The following PPP6C variants were observed in gnomAD, a reference collection of about 807,000 sequenced individuals.
PPP6C encodes protein phosphatase 6 catalytic subunit.
Under a neutral mutation model 39.8 loss-of-function variants are expected in PPP6C, and 11 were observed. That is an observed-to-expected ratio of 0.28 (90% confidence interval 0.17 to 0.46). The LOEUF is 0.46. Ranked by LOEUF, PPP6C falls within the 20% of genes least tolerant of loss-of-function variation. PPP6C has a pLI of 1.00. For synonymous variants in PPP6C, 129 were observed against 130.3 expected (o/e 0.99, Z 0.07); for missense variants, 211 against 373.9 (o/e 0.56, Z 3.59).
chr9:125,173,587 A>G (rs1343843135), intron 1 of PPP6C, among the ~76,000 whole-genome samples: 1 of 151,116 alleles, frequency 6.6e-6, no homozygotes, highest in Non-Finnish European at 1.5e-5. Flanking sequence ...CAAAACAAAC[A>G]AACAACAACA....
chr9:125,159,215 T>A (rs1828797244), intron 3 of PPP6C, among the ~76,000 whole-genome samples: 1 of 148,630 alleles, frequency 6.7e-6, no homozygotes, highest in East Asian at 2.0e-4. Flanking sequence ...ATTTTGTATT[T>A]TTTTTTTTTT....
chr9:125,175,381 G>A (rs1348532880), intron 1 of PPP6C, among the ~76,000 whole-genome samples: 2 of 152,006 alleles, frequency 1.3e-5, no homozygotes, highest in Non-Finnish European at 2.9e-5. Context: ...GCTCACGCCT[G>A]TAATCCCAGC....
intron 2 of PPP6C, among the ~76,000 whole-genome samples, chr9:125,162,960 C>T (rs1464264565): frequency 6.6e-6 from 1 of 150,798 alleles, no homozygotes; most frequent in African/African-American, 2.4e-5. Flanking sequence ...CACCTGTAGT[C>T]CCAGCTACCT....
rs1403034240 is a variant in PPP6C, at chr9:125,148,145, A to G, written c.*1528T>C. ...AAACCCTGATGAAAAATTATATGCC[A>G]AGAAGCTTAGACTATAAAGATTTTT... On this transcript the variant is annotated 3_prime_UTR_variant, in exon 7 of 7. Transcript: ENST00000373547. 5.4e-6 allele frequency: 1 copy of G among 184,972 alleles called. No homozygotes were observed. Among genetic ancestry groups the G allele is most frequent in the Non-Finnish European group, 1.1e-5 (1 of 88,028 alleles). The allele number at this position is 184,972 out of a possible 1,614,324, so 11.5% of individuals were successfully genotyped here. A position where few individuals can be genotyped will look rare whatever the true frequency, so the allele number is the denominator to read the frequency against.
rs555516226 is a variant in PPP6C at position 125,183,242 on chromosome 9, A to G, written c.75+6402T>C. Among the ~76,000 whole-genome samples, 91 of 152,240 alleles carry G rather than the reference A, an allele frequency of 6.0e-4. No individual in the cohort carries two copies. The Middle Eastern group carries it at 0.01, about 17-fold the overall frequency. On this transcript the variant is annotated intron_variant, in intron 1 of 6. Transcript: ENST00000373547. ...TCATATCACCGGGCCTACTGCTTCTATGACATTTTTCCTGCATTCCAATCC... is the reference window on the plus strand; with the variant it reads ...TCATATCACCGGGCCTACTGCTTCTGTGACATTTTTCCTGCATTCCAATCC...
At position 125,160,732 on chromosome 9, in the gene PPP6C, A is replaced by G; in HGVS notation, c.237+109T>C. The G allele has an allele frequency of 5.4e-6, 4 of 737,214 alleles. No individual in the cohort carries two copies. In the East Asian group the frequency reaches 1.2e-4, roughly 23 times the overall value. 45.7% of individuals were successfully genotyped at this position (737,214 alleles called of 1,614,324 possible). ...CGGACTAATACACATCTTTTAATAT[A>G]CTGAAATAGGGACTGTCACATGGTA... is the stretch of plus-strand genomic sequence containing the variant. On this transcript the variant is annotated intron_variant, in intron 3 of 6. Coordinates refer to ENST00000373547, the MANE Select transcript of PPP6C (RefSeq NM_002721.5).
intron 1 of PPP6C, among the ~76,000 whole-genome samples, chr9:125,188,096 T>A (rs575110505): frequency 1.3e-5 from 2 of 150,930 alleles, no homozygotes; most frequent in Non-Finnish European, 2.9e-5. Context: ...AAGAATACAC[T>A]GAGTCGGGGC....
At chr9:125,163,757 A>C (rs1229664088) in intron 2 of PPP6C, among the ~76,000 whole-genome samples, 1 of 152,104 alleles carries the variant, frequency 6.6e-6, no homozygotes, top group Non-Finnish European at 1.5e-5. Flanking sequence ...AAAAGCTTTT[A>C]AAGTTTGTAT....
At chr9:125,159,738 G>T (rs924011487) in intron 3 of PPP6C, among the ~76,000 whole-genome samples, 2 of 152,202 alleles carry the variant, frequency 1.3e-5, no homozygotes, top group Non-Finnish European at 2.9e-5. Flanking sequence ...AGTGGCCGGC[G>T]TGGTGGCTCA....
intron 6 of PPP6C, among the ~76,000 whole-genome samples, chr9:125,152,029 T>C (rs1412742243): frequency 2.0e-5 from 3 of 149,430 alleles, no homozygotes; most frequent in Non-Finnish European, 1.5e-5. Context: ...GCAAGAGCCC[T>C]GGGCAACCCC....
chr9:125,152,506 T>C (rs1472057259), intron 6 of PPP6C, among the ~76,000 whole-genome samples: 2 of 152,284 alleles, frequency 1.3e-5, no homozygotes, highest in East Asian at 1.9e-4. Context: ...GCTTTTCAAA[T>C]GAACAGAGAT....
chr9:125,188,862 C>T lies in PPP6C; in HGVS notation c.75+782G>A, dbSNP rs182113552. Reference sequence around the variant, plus strand: ...AGAAAAGCAGTATACCAAAGTCATTCCTTTACCCATACATACATTTACTCT... The same window carrying T: ...AGAAAAGCAGTATACCAAAGTCATTTCTTTACCCATACATACATTTACTCT... On this transcript the variant is annotated intron_variant, in intron 1 of 6. Coordinates refer to ENST00000373547, the MANE Select transcript of PPP6C (RefSeq NM_002721.5). 3.2e-6 allele frequency: 4 copies of T among 1,247,626 alleles called. No individual in the cohort carries two copies. In the African/African-American group the frequency reaches 4.5e-5, roughly 14 times the overall value. The allele number at this position is 1,247,626 out of a possible 1,614,324, so 77.3% of individuals were successfully genotyped here.
chr9:125,171,478 C>CATATATATATATAT (rs59002869), intron 1 of PPP6C, among the ~76,000 whole-genome samples: 8 of 83,508 alleles, frequency 9.6e-5, no homozygotes, highest in African/African-American at 1.6e-4. Flanking sequence ...CACACACACA[C>CATATATATATATAT]ATATATATAT....
intron 4 of PPP6C, among the ~76,000 whole-genome samples, chr9:125,157,804 C>T (rs1389300216): frequency 2.0e-5 from 3 of 151,540 alleles, no homozygotes; most frequent in Admixed American, 1.3e-4. Flanking sequence ...AATTCTCCTG[C>T]CTCAGCCTCC....
intron 4 of PPP6C, among the ~76,000 whole-genome samples, chr9:125,157,974 C>A (rs926580531): frequency 3.3e-5 from 5 of 152,022 alleles, no homozygotes; most frequent in Non-Finnish European, 7.4e-5. Flanking sequence ...CAGGTGTGAG[C>A]CACCCCACCC....
At chr9:125,168,908 G>T (rs1012641090) in intron 2 of PPP6C, among the ~76,000 whole-genome samples, 1 of 151,192 alleles carries the variant, frequency 6.6e-6, no homozygotes, top group African/African-American at 2.4e-5. Context: ...TTACAGGCAC[G>T]CACCACCACA....
intron 4 of PPP6C, among the ~76,000 whole-genome samples, chr9:125,155,084 T>C (rs1378128472): frequency 1.3e-5 from 2 of 152,164 alleles, no homozygotes; most frequent in Non-Finnish European, 2.9e-5. Context: ...ATTTTATTTC[T>C]GGTAGAGATG....
At chr9:125,166,320 T>C (rs1232616210) in intron 2 of PPP6C, among the ~76,000 whole-genome samples, 1 of 152,176 alleles carries the variant, frequency 6.6e-6, no homozygotes, top group Non-Finnish European at 1.5e-5. Context: ...AATTTTTCAT[T>C]AGTAAATTCA....
intron 1 of PPP6C, among the ~76,000 whole-genome samples, chr9:125,184,086 C>T (rs1367140849): frequency 6.6e-6 from 1 of 152,070 alleles, no homozygotes; most frequent in East Asian, 1.9e-4. Flanking sequence ...AGACGCTATC[C>T]CTTAAAAAAA....
Sources: gnomAD v4.1 joint callset for allele counts (sites outside exome capture counted in the v4.1 genomes callset) on GRCh38, gnomAD v4.1.1 for gene constraint, MANE v1.5 for transcripts, NCBI Gene and HGNC (gene_info 2026-07-23, HGNC 2026-07-21) for gene names.